Variants in HMBOX1 observed in about 807,000 individuals in gnomAD.
HMBOX1 encodes homeobox containing 1.
Under a neutral mutation model 54.5 loss-of-function variants are expected in HMBOX1, and 14 were observed. That is an observed-to-expected ratio of 0.26 (90% confidence interval 0.17 to 0.40). HMBOX1 has a LOEUF of 0.40. Ranked by LOEUF, HMBOX1 falls within the 10% of genes least tolerant of loss-of-function variation. The pLI is 1.00. For missense variants in HMBOX1, 332 were observed against 514.4 expected (o/e 0.65, Z 3.43); for synonymous variants, 160 against 181.0 (o/e 0.88, Z 0.93).
chr8:29,021,275 T>C (rs1801107114), intron 6 of HMBOX1, among the ~76,000 whole-genome samples: 2 of 152,184 alleles, frequency 1.3e-5, no homozygotes, highest in Non-Finnish European at 1.5e-5. Flanking sequence ...ATATAAATAA[T>C]AGAAGAAAAC....
intron 1 of HMBOX1, among the ~76,000 whole-genome samples, chr8:28,908,104 C>T (rs1322913041): frequency 6.6e-6 from 1 of 152,140 alleles, no homozygotes; most frequent in Non-Finnish European, 1.5e-5. Flanking sequence ...TTGCCTGCAT[C>T]AGCCTCCCAA....
rs1554519263 is a variant in HMBOX1, at chr8:28,900,271, A to AATATATATATAT, written c.-58+9602_-58+9613dup. The stretch of plus-strand genomic sequence containing the variant: ...TTCCGTCTCAAAAAAAAAAAAAAAA[A>AATATATATATAT]ATATATATATATATATATATTTTGT... On this transcript the variant is annotated intron_variant, in intron 1 of 9. Coordinates refer to ENST00000287701, the MANE Select transcript of HMBOX1 (RefSeq NM_001135726.3). Among the ~76,000 whole-genome samples the AATATATATATAT allele has an allele frequency of 4.0e-3, 281 of 70,236 alleles. 1 individual carries two copies. The highest frequency in any genetic ancestry group is 5.5e-3 in the South Asian group (10 of 1,822). 46.1% of individuals were successfully genotyped at this position (70,236 alleles called of 152,430 possible).
At chr8:29,021,855 G>A (rs1304528780) in intron 6 of HMBOX1, among the ~76,000 whole-genome samples, 19 of 121,366 alleles carry the variant, frequency 1.6e-4, no homozygotes, top group Middle Eastern at 5.2e-3. Context: ...GCGAGACTCC[G>A]TCTCAAAAAA....
intron 1 of HMBOX1, among the ~76,000 whole-genome samples, chr8:28,930,471 A>G (rs921709754): frequency 6.6e-6 from 1 of 152,164 alleles, no homozygotes; most frequent in Non-Finnish European, 1.5e-5. Flanking sequence ...ATAACCTGGT[A>G]TTCAAGGCCC....
intron 1 of HMBOX1, among the ~76,000 whole-genome samples, chr8:28,960,765 C>CTTTTTTTTTTTTTTTTTTTTTT (rs1162477676): frequency 3.7e-4 from 6 of 16,256 alleles, no homozygotes; most frequent in Non-Finnish European, 2.6e-4. Context: ...TTTTCTTTTT[C>CTTTTTTTTTTTTTTTTTTTTTT]TTTTTTTTTT....
chr8:28,949,948 G>C (rs115548059), intron 1 of HMBOX1: 1 of 152,282 alleles, frequency 6.6e-6, no homozygotes, highest in African/African-American at 2.4e-5. Context: ...TGTGGGATGA[G>C]AGCAACAGAG....
At chr8:28,921,228 C>T (rs1220244103) in intron 1 of HMBOX1, among the ~76,000 whole-genome samples, 5 of 152,104 alleles carry the variant, frequency 3.3e-5, no homozygotes, top group Admixed American at 6.5e-5. Context: ...CCCAGCTACT[C>T]GGGAGGCTAA....
At position 29,052,974 on chromosome 8, in the gene HMBOX1, T is replaced by TGAGA. The variant is rs139980680; in HGVS notation, c.*1828_*1831dup. ...ACCAAATGTATTCAACTTAAAACTG[T>TGAGA]GAGAGAGAGAGACTGAATGACCTTC... On this transcript the variant is annotated 3_prime_UTR_variant, in exon 10 of 10. Transcript: ENST00000287701. The TGAGA allele has an allele frequency of 6.6e-6, 1 of 152,178 alleles. No individual in the cohort carries two copies. The highest frequency in any genetic ancestry group is 2.4e-5 in the African/African-American group (1 of 41,404). The allele number at this position is 152,178 out of a possible 1,614,324, so 9.4% of individuals were successfully genotyped here. A position where few individuals can be genotyped will look rare whatever the true frequency, so the allele number is the denominator to read the frequency against.
chr8:28,916,232 C>A (rs1160925454), intron 1 of HMBOX1, among the ~76,000 whole-genome samples: 1 of 152,112 alleles, frequency 6.6e-6, no homozygotes, highest in Non-Finnish European at 1.5e-5. Context: ...CCCCAGAATC[C>A]CTCAGCAGAT....
In HMBOX1 at chr8:28,955,063, A is replaced by C. The variant is rs139252316; in HGVS notation, c.-57-8748A>C. Among the ~76,000 whole-genome samples the C allele has an allele frequency of 1.0e-3, 155 of 152,208 alleles. 1 individual carries two copies. The highest frequency in any genetic ancestry group is 1.7e-3 in the Non-Finnish European group (115 of 67,998). On this transcript the variant is annotated intron_variant, in intron 1 of 9. Coordinates refer to ENST00000287701, the MANE Select transcript of HMBOX1 (RefSeq NM_001135726.3). Reference sequence around the variant, plus strand: ...CGTCTTCATTGCTCTACTTGACTTCATGTAATATTTTGACAGTTCTAGTCC... The same window carrying C: ...CGTCTTCATTGCTCTACTTGACTTCCTGTAATATTTTGACAGTTCTAGTCC...
intron 9 of HMBOX1, chr8:29,049,350 G>C: frequency 1.3e-6 from 2 of 1,532,962 alleles, no homozygotes; most frequent in Non-Finnish European, 1.7e-6. Context: ...GGGAGGCAGA[G>C]AAGCAGAGAA....
intron 6 of HMBOX1, among the ~76,000 whole-genome samples, chr8:29,019,701 A>G (rs1012245015): frequency 9.2e-5 from 14 of 152,144 alleles, no homozygotes; most frequent in African/African-American, 3.1e-4. Flanking sequence ...CCTATACCCA[A>G]CTAACTTTGT....
chr8:29,023,276 T>C (rs1166576614), intron 6 of HMBOX1, among the ~76,000 whole-genome samples: 2 of 152,206 alleles, frequency 1.3e-5, no homozygotes, highest in Non-Finnish European at 2.9e-5. Context: ...TAGAAATTTA[T>C]CTTGATTTAA....
intron 5 of HMBOX1, 142 bp from the exon 6 acceptor site, chr8:29,018,618 A>G (rs1383191693): frequency 1.3e-6 from 1 of 763,680 alleles, no homozygotes; most frequent in Non-Finnish European, 2.0e-6. Context: ...AGGAATTTCA[A>G]AAGAAATTTT....
intron 1 of HMBOX1, among the ~76,000 whole-genome samples, chr8:28,955,188 C>A (rs1235404296): frequency 1.3e-5 from 2 of 151,930 alleles, no homozygotes; most frequent in Non-Finnish European, 2.9e-5. Flanking sequence ...TAAATGTGGC[C>A]ATATGCTTTT....
chr8:28,981,642 G>A (rs1441286796), intron 4 of HMBOX1, among the ~76,000 whole-genome samples: 2 of 151,828 alleles, frequency 1.3e-5, no homozygotes, highest in African/African-American at 4.8e-5. Context: ...TCAGGTAGAA[G>A]CATTTCTTAG....
At chr8:29,036,885 C>T (rs1453617062) in intron 6 of HMBOX1, among the ~76,000 whole-genome samples, 1 of 152,122 alleles carries the variant, frequency 6.6e-6, no homozygotes, top group African/African-American at 2.4e-5. Flanking sequence ...AAGCTTTCAG[C>T]TTAAAGGTCT....
In HMBOX1 at chr8:28,937,233, G is replaced by T. The variant is rs554233111; in HGVS notation, c.-57-26578G>T. On this transcript the variant is annotated intron_variant, in intron 1 of 9. Coordinates refer to ENST00000287701, the MANE Select transcript of HMBOX1 (RefSeq NM_001135726.3). Reference sequence around the variant, plus strand: ...ATCTTTTGGGTTGTAGTAATAAGTTGTTTGTTATCCATAGTCATTGAAATT... The same window carrying T: ...ATCTTTTGGGTTGTAGTAATAAGTTTTTTGTTATCCATAGTCATTGAAATT... Among the ~76,000 whole-genome samples the T allele has an allele frequency of 1.5e-3, 224 of 152,232 alleles. 2 individuals carry two copies. Among genetic ancestry groups the T allele is most frequent in the African/African-American group, 5.0e-3 (209 of 41,546 alleles).
intron 1 of HMBOX1, among the ~76,000 whole-genome samples, chr8:28,958,231 C>T (rs1176684201): frequency 2.6e-5 from 4 of 152,252 alleles, no homozygotes; most frequent in East Asian, 1.9e-4. Context: ...TGTCCTGAGC[C>T]GCTGGGATTA....
Sources: allele counts gnomAD v4.1 joint callset (sites outside exome capture counted in the v4.1 genomes callset), GRCh38; gene constraint gnomAD v4.1.1; transcripts MANE v1.5; gene names NCBI Gene and HGNC (gene_info 2026-07-23, HGNC 2026-07-21).